The following ZNF584 variants were observed in gnomAD, a reference collection of about 807,000 sequenced individuals.
ZNF584 encodes the protein zinc finger protein 584.
ZNF584 carries 12 observed loss-of-function variants against 14.7 expected under a neutral mutation model. That is an observed-to-expected ratio of 0.82 (90% CI 0.52 to 1.32). ZNF584 has a LOEUF of 1.32. ZNF584 is among the 40% of genes most tolerant of loss of function. ZNF584 has a pLI of 0.00. For missense variants in ZNF584, 478 were observed against 518.8 expected (o/e 0.92, Z 0.76); for synonymous variants, 204 against 190.9 (o/e 1.07, Z -0.57).
intron 1 of ZNF584, 82 bp from the exon 2 acceptor site, chr19:58,409,858 AC>A (rs1330947218): frequency 6.5e-7 from 1 of 1,532,752 alleles, no homozygotes; most frequent in Non-Finnish European, 9.0e-7. Flanking sequence ...ATGTGATAGG[AC>A]CCTGAGATAC....
At position 58,417,327 on chromosome 19, in the gene ZNF584, A is replaced by C. The variant is rs2052657262; in HGVS notation, c.809A>C (p.Tyr270Ser). The C allele has an allele frequency of 6.2e-7, 1 of 1,613,980 alleles. No individual in the cohort carries two copies. The highest frequency in any genetic ancestry group is 1.7e-5 in the Admixed American group (1 of 60,000). ...AGGATTCACACTGGAGAAAGGCCTTACGAGTGCAGCAAATGTGGTAAAACC... is the reference window on the plus strand; with the variant it reads ...AGGATTCACACTGGAGAAAGGCCTTCCGAGTGCAGCAAATGTGGTAAAACC... ...HQRIHTGERP[Y>S]ECSKCGKTFS... is the part of the protein sequence containing the mutation. The change falls in exon 4 of 4, where the codon TAC becomes TCC. Residue 270 changes from tyrosine to serine, a missense_variant. Coordinates refer to ENST00000306910, the MANE Select transcript of ZNF584 (RefSeq NM_173548.3).
At chr19:58,406,892 C>T, upstream of ZNF584, 1 of 152,588 alleles carries the variant, frequency 6.6e-6, no homozygotes. Context: ...TGTGTCTCCA[C>T]TGGAGAGAAT....
chr19:58,417,906 G>C lies in ZNF584; in HGVS notation c.*122G>C, dbSNP rs183058574. The C allele has an allele frequency of 2.3e-5, 30 of 1,276,666 alleles. No homozygotes were observed. In the African/African-American group the frequency reaches 3.9e-4, roughly 17 times the overall value. The allele number at this position is 1,276,666 out of a possible 1,614,324, so 79.1% of individuals were successfully genotyped here. A position where few individuals can be genotyped will look rare whatever the true frequency, so the allele number is the denominator to read the frequency against. On this transcript the variant is annotated 3_prime_UTR_variant, in exon 4 of 4. Coordinates refer to ENST00000306910, the MANE Select transcript of ZNF584 (RefSeq NM_173548.3). ...AACACCCACCCCAGGGAGAGTTCCCGTGTGTGCCTGGTGTGTGGGACGCTT... is the reference window on the plus strand; with the variant it reads ...AACACCCACCCCAGGGAGAGTTCCCCTGTGTGCCTGGTGTGTGGGACGCTT...
chr19:58,409,477 G>A (rs1029070866), intron 1 of ZNF584, among the ~76,000 whole-genome samples: 3 of 152,228 alleles, frequency 2.0e-5, no homozygotes, highest in Non-Finnish European at 4.4e-5. Flanking sequence ...TAGGCATTCT[G>A]TTGTCCAGTT....
At chr19:58,415,257 G>A (rs977620885) in intron 2 of ZNF584, among the ~76,000 whole-genome samples, 2 of 152,020 alleles carry the variant, frequency 1.3e-5, no homozygotes, top group Admixed American at 6.6e-5. Context: ...TGGTGTGATC[G>A]TGACTCACTG....
In ZNF584 at chr19:58,408,784, G is replaced by C. The variant is rs963101305; in HGVS notation, c.-364G>C. ...CGTTGCCCGGCAGTCCGCAGTCCTC[G>C]GCGGGAAGGCTGTCCCGGCGCCTCA... On this transcript the variant is annotated 5_prime_UTR_variant, in exon 1 of 4. Coordinates refer to ENST00000306910, the MANE Select transcript of ZNF584 (RefSeq NM_173548.3). The C allele has an allele frequency of 4.5e-6, 1 of 222,248 alleles. No homozygotes were observed. The highest frequency in any genetic ancestry group is 9.0e-6 in the Non-Finnish European group (1 of 111,622). The allele number at this position is 222,248 out of a possible 1,614,324, so 13.8% of individuals were successfully genotyped here.
intron 2 of ZNF584, among the ~76,000 whole-genome samples, chr19:58,414,640 C>T (rs2052617212): frequency 6.6e-6 from 1 of 152,038 alleles, no homozygotes; most frequent in Non-Finnish European, 1.5e-5. Context: ...CCGCGCCCAG[C>T]CGAGGCTTAT....
At position 58,409,589 on chromosome 19, in the gene ZNF584, T is replaced by G. The variant is rs572495888; in HGVS notation, c.19-352T>G. Among the ~76,000 whole-genome samples the G allele has an allele frequency of 5.2e-4, 79 of 152,216 alleles. 1 individual carries two copies. Among genetic ancestry groups the G allele is most frequent in the Admixed American group, 4.4e-3 (67 of 15,286 alleles). The stretch of plus-strand genomic sequence containing the variant: ...GTTTGGTTGCGTCTGAGAGGTATGA[T>G]CTCTGGGACTGGAATTGGCAGGCAG... On this transcript the variant is annotated intron_variant, in intron 1 of 3. Coordinates refer to ENST00000306910, the MANE Select transcript of ZNF584 (RefSeq NM_173548.3).
At chr19:58,414,072 C>T (rs1330054179) in intron 2 of ZNF584, among the ~76,000 whole-genome samples, 4 of 151,986 alleles carry the variant, frequency 2.6e-5, no homozygotes, top group Non-Finnish European at 4.4e-5. Context: ...CCACCTGCCT[C>T]GGCCTCCCAA....
intron 2 of ZNF584, among the ~76,000 whole-genome samples, chr19:58,410,545 A>ATATATATATATG (rs2052538487): frequency 3.3e-5 from 1 of 30,616 alleles, no homozygotes; most frequent in African/African-American, 2.7e-4. Flanking sequence ...ATATATATAT[A>ATATATATATATG]TATATATATA....
rs866151375 is a variant in ZNF584 at position 58,408,907 on chromosome 19, G to A, written c.-241G>A. On this transcript the variant is annotated 5_prime_UTR_variant, in exon 1 of 4. Coordinates refer to ENST00000306910, the MANE Select transcript of ZNF584 (RefSeq NM_173548.3). ...CGCCTTCCACGCGCCGTGCCCCACC[G>A]GCGAGTGGCTCCATCTTCCTCAGAC... The A allele has an allele frequency of 2.8e-5, 12 of 422,936 alleles. No homozygotes were observed. The Middle Eastern group carries it at 2.2e-3, about 76-fold the overall frequency. The allele number at this position is 422,936 out of a possible 1,614,324, so 26.2% of individuals were successfully genotyped here.
chr19:58,407,535 G>T (rs2052484111), upstream of ZNF584, among the ~76,000 whole-genome samples: 1 of 152,204 alleles, frequency 6.6e-6, no homozygotes, highest in Non-Finnish European at 1.5e-5. Flanking sequence ...CTTGTTAGAG[G>T]AGGTGGCATG....
chr19:58,410,546 T>TTTTTTTTTTTTTTTTTTTTTGAG lies in ZNF584; in HGVS notation c.169+455_169+456insTTTTTTTTTTTTTTTTTTTTGAG, dbSNP rs1568584382. 8.0e-5 allele frequency among the ~76,000 whole-genome samples: 5 copies of TTTTTTTTTTTTTTTTTTTTTGAG among 62,512 alleles called. 1 individual carries two copies. The highest frequency in any genetic ancestry group is 1.3e-4 in the Non-Finnish European group (5 of 37,556). The allele number at this position is 62,512 out of a possible 152,430, so 41.0% of individuals were successfully genotyped here. A position where few individuals can be genotyped will look rare whatever the true frequency, so the allele number is the denominator to read the frequency against. On this transcript the variant is annotated intron_variant, in intron 2 of 3. Transcript: ENST00000306910. ...ATATATATATATATATATATATATA[T>TTTTTTTTTTTTTTTTTTTTTGAG]ATATATATATATGTGTATATATATA...
upstream of ZNF584, chr19:58,408,530 C>G (rs2122200901): frequency 6.6e-6 from 1 of 152,564 alleles, no homozygotes; most frequent in African/African-American, 2.4e-5. Context: ...GCAGGGCCCG[C>G]CCGAACGTTC....
At chr19:58,413,011 G>A (rs920952783) in intron 2 of ZNF584, among the ~76,000 whole-genome samples, 2 of 151,982 alleles carry the variant, frequency 1.3e-5, no homozygotes, top group Non-Finnish European at 2.9e-5. Flanking sequence ...TTCCATTCCT[G>A]TTCAAAGTAG....
At position 58,412,197 on chromosome 19, in the gene ZNF584, G is replaced by GCCTTTTTT. The variant is rs1225346355; in HGVS notation, c.169+2106_169+2107insCCTTTTTT. 3.6e-3 allele frequency among the ~76,000 whole-genome samples: 353 copies of GCCTTTTTT among 97,884 alleles called. 15 individuals are homozygous for GCCTTTTTT. The highest frequency in any genetic ancestry group is 0.018 in the African/African-American group (314 of 17,894). 64.2% of individuals were successfully genotyped at this position (97,884 alleles called of 152,430 possible). On this transcript the variant is annotated intron_variant, in intron 2 of 3. Coordinates refer to ENST00000306910, the MANE Select transcript of ZNF584 (RefSeq NM_173548.3). Reference sequence around the variant, plus strand: ...GGGTTTCACCATGTTGGCCAGGGTGGTCTTTTTTTTTTTTTTTTTTTTTGA... The same window carrying GCCTTTTTT: ...GGGTTTCACCATGTTGGCCAGGGTGGCCTTTTTTTCTTTTTTTTTTTTTTTTTTTTTGA...
Position 58,417,321 on chromosome 19 carries a change from G to A in ZNF584, c.803G>A (p.Arg268Lys). The change falls in exon 4 of 4, where the codon AGG (arginine) becomes AAG (lysine). Residue 268 changes from arginine to lysine, a missense_variant. By Grantham distance (26) the Arg-to-Lys change is conservative. Transcript: ENST00000306910. ...VLHQRIHTGE[R>K]PYECSKCGKT... Reference sequence around the variant, plus strand: ...CACCAGAGGATTCACACTGGAGAAAGGCCTTACGAGTGCAGCAAATGTGGT... The same window carrying A: ...CACCAGAGGATTCACACTGGAGAAAAGCCTTACGAGTGCAGCAAATGTGGT... The A allele has an allele frequency of 6.2e-7, 1 of 1,614,176 alleles. No homozygotes were observed. Among genetic ancestry groups the A allele is most frequent in the South Asian group, 1.1e-5 (1 of 91,078 alleles).
chr19:58,412,208 T>TTTATTTTTTTTTTTTTTTTC (rs2052584397), intron 2 of ZNF584, among the ~76,000 whole-genome samples: 1 of 126,994 alleles, frequency 7.9e-6, no homozygotes, highest in African/African-American at 4.1e-5. Flanking sequence ...TCTTTTTTTT[T>TTTATTTTTTTTTTTTTTTTC]TTTTTTTTTT....
At position 58,410,695 on chromosome 19, in the gene ZNF584, A is replaced by G. The variant is rs542879116; in HGVS notation, c.169+604A>G. On this transcript the variant is annotated intron_variant, in intron 2 of 3. Transcript: ENST00000306910. Reference sequence around the variant, plus strand: ...TATGTGTATATATATGTATATATGTATATATATATGTATATATGTGTATAT... The same window carrying G: ...TATGTGTATATATATGTATATATGTGTATATATATGTATATATGTGTATAT... Among the ~76,000 whole-genome samples the G allele has an allele frequency of 1.2e-3, 60 of 49,186 alleles. 10 individuals are homozygous for G. Among genetic ancestry groups the G allele is most frequent in the East Asian group, 1.9e-3 (5 of 2,702 alleles). 32.3% of individuals were successfully genotyped at this position (49,186 alleles called of 152,430 possible).
Sources: allele counts gnomAD v4.1 joint callset (sites outside exome capture counted in the v4.1 genomes callset), GRCh38; gene constraint gnomAD v4.1.1; transcripts MANE v1.5; gene names NCBI Gene and HGNC (gene_info 2026-07-23, HGNC 2026-07-21).